The following NRL variants were observed in gnomAD, a reference collection of about 807,000 sequenced individuals.
The protein encoded by NRL is neural retina leucine zipper, also known as neural retina-specific leucine zipper protein.
Under a neutral mutation model 12.5 loss-of-function variants are expected in NRL, and 16 were observed. The observed-to-expected ratio is 1.28, with a 90% CI of 0.87 to 1.95. NRL has a LOEUF of 1.95. Among genes scored for constraint, NRL ranks in the 30% most tolerant of loss-of-function variants. The probability of loss-of-function intolerance (pLI) is 0.00; values close to 1 mark genes in which losing one functional copy is unlikely to be tolerated. For missense variants in NRL, 314 were observed against 325.8 expected, an observed-to-expected ratio of 0.96 and a Z score of 0.28; for synonymous variants, 142 against 150.9, an observed-to-expected ratio of 0.94 and a Z score of 0.43.
At chr14:24,106,058 T>C (rs1286923819) in intron 1 of NRL, among the ~76,000 whole-genome samples, 3 of 152,272 alleles carry the variant, frequency 2.0e-5, no homozygotes, top group African/African-American at 7.2e-5. Flanking sequence ...TCCTGGGTAA[T>C]GCTGATGCTG....
chr14:24,081,890 T>A lies in NRL; in HGVS notation c.382-322A>T. 1.5e-6 allele frequency: 2 copies of A among 1,325,614 alleles called. No homozygotes were observed. Among genetic ancestry groups the A allele is most frequent in the South Asian group, 3.1e-5 (2 of 65,346 alleles). 82.1% of individuals were successfully genotyped at this position (1,325,614 alleles called of 1,614,324 possible). A position where few individuals can be genotyped will look rare whatever the true frequency, so the allele number is the denominator to read the frequency against. ...CGGCATCCAGCTCCAGGCCCGGGTGTGTCCAGTGGACCCGCACCCAGACAG... is the reference window on the plus strand; with the variant it reads ...CGGCATCCAGCTCCAGGCCCGGGTGAGTCCAGTGGACCCGCACCCAGACAG... On this transcript the variant is annotated intron_variant, in intron 2 of 2. Transcript: ENST00000561028. This position sits in a 1 kb window ranked among gnomAD's most constrained non-coding sequence, Gnocchi z 4.4.
At position 24,094,192 on chromosome 14, in the gene NRL, C is replaced by T; in HGVS notation, c.-27-11317G>A. The T allele has an allele frequency of 3.6e-6, 2 of 563,326 alleles. No individual in the cohort carries two copies. The highest frequency in any genetic ancestry group is 3.4e-5 in the East Asian group (1 of 29,278). 34.9% of individuals were successfully genotyped at this position (563,326 alleles called of 1,614,324 possible). ...GGCTGGGCTGACCTGGAGCCTGGAG[C>T]CCCGGGGCCGAGGGAGCTGGCCTGC... is the stretch of plus-strand genomic sequence containing the variant. On this transcript the variant is annotated intron_variant, in intron 1 of 2. Transcript: ENST00000561028. The surrounding 1 kb of genome is among the most constrained non-coding windows in gnomAD (Gnocchi z 4.1).
Position 24,081,680 on chromosome 14 carries a change from C to A in NRL, c.382-112G>T, listed in dbSNP as rs1024145137. 6.5e-7 allele frequency: 1 copy of A among 1,529,886 alleles called. No individual in the cohort carries two copies. The highest frequency in any genetic ancestry group is 1.4e-5 in the African/African-American group (1 of 72,620). The allele number at this position is 1,529,886 out of a possible 1,614,324, so 94.8% of individuals were successfully genotyped here. ...GGGACAGCCCCGCCCCGGCTCCCAC[C>A]TTCACCGGAAGGCTCGCCCTTCCAC... On this transcript the variant is annotated intron_variant, in intron 2 of 2. Coordinates refer to ENST00000561028, the MANE Select transcript of NRL (RefSeq NM_001354768.3). This position sits in a 1 kb window ranked among gnomAD's most constrained non-coding sequence, Gnocchi z 4.4.
intron 1 of NRL, among the ~76,000 whole-genome samples, chr14:24,108,225 T>C (rs1365548171): frequency 6.6e-6 from 1 of 152,228 alleles, no homozygotes; most frequent in Non-Finnish European, 1.5e-5. Flanking sequence ...ACAATCTGGA[T>C]GCTAGGAGTG....
intron 1 of NRL, among the ~76,000 whole-genome samples, chr14:24,102,000 C>A (rs568732808): frequency 6.6e-6 from 1 of 151,932 alleles, no homozygotes; most frequent in Non-Finnish European, 1.5e-5. Context: ...CCAAGGTGGG[C>A]AGATCAGTTA....
chr14:24,098,282 A>G, intron 1 of NRL: 1 of 1,614,006 alleles, frequency 6.2e-7, no homozygotes, highest in Non-Finnish European at 8.5e-7. Flanking sequence ...TCAGCGGGAC[A>G]CGGTACCACT....
At chr14:24,086,262 G>A (rs192184535) in intron 1 of NRL, among the ~76,000 whole-genome samples, 1 of 152,262 alleles carries the variant, frequency 6.6e-6, no homozygotes, top group Non-Finnish European at 1.5e-5. Flanking sequence ...TGCACAGAAT[G>A]CCTGCAGTCT....
At chr14:24,103,556 C>T (rs1462623725) in intron 1 of NRL, 1 of 1,568,924 alleles carries the variant, frequency 6.4e-7, no homozygotes. Context: ...CCTTTTTTGG[C>T]TACAACTTCG....
chr14:24,100,827 A>T (rs1256710314), intron 1 of NRL, among the ~76,000 whole-genome samples: 2 of 152,168 alleles, frequency 1.3e-5, no homozygotes, highest in African/African-American at 4.8e-5. Flanking sequence ...AAACAAAATC[A>T]GGTCAGTGCT....
intron 1 of NRL, chr14:24,084,501 A>C: frequency 7.4e-5 from 70 of 945,360 alleles, no homozygotes; most frequent in South Asian, 1.9e-4. Context: ...ACACCCAGGT[A>C]GGCCCTGGAT....
chr14:24,098,140 G>T, intron 1 of NRL: 2 of 1,427,540 alleles, frequency 1.4e-6, no homozygotes, highest in South Asian at 1.4e-5. Context: ...ACTTGAAAAA[G>T]TGGGTCTAGG....
intron 1 of NRL, among the ~76,000 whole-genome samples, chr14:24,108,648 T>G (rs2037374953): frequency 6.6e-6 from 1 of 152,214 alleles, no homozygotes; most frequent in South Asian, 2.1e-4. Context: ...GGGTATTTAC[T>G]TATATTACAT....
At chr14:24,110,432 C>A in intron 1 of NRL, 2 of 225,658 alleles carry the variant, frequency 8.9e-6, no homozygotes, top group South Asian at 3.4e-5. Flanking sequence ...AAAAATGAAA[C>A]CACATCGTTT....
intron 1 of NRL, among the ~76,000 whole-genome samples, chr14:24,105,821 C>G (rs2037329542): frequency 6.6e-6 from 1 of 152,190 alleles, no homozygotes; most frequent in Non-Finnish European, 1.5e-5. Flanking sequence ...AGGACAATCA[C>G]TTGAACTCAG....
chr14:24,100,029 C>G, intron 1 of NRL: 1 of 1,614,144 alleles, frequency 6.2e-7, no homozygotes, highest in Non-Finnish European at 8.5e-7. Context: ...AGAACGGCTT[C>G]TTTGGGGTTG....
Position 24,098,534 on chromosome 14 carries a change from A to T in NRL, c.-27-15659T>A, listed in dbSNP as rs762436188. On this transcript the variant is annotated intron_variant, in intron 1 of 2. Coordinates refer to ENST00000561028, the MANE Select transcript of NRL (RefSeq NM_001354768.3). ...TCCTGTGGGCTCCCCGCTGTCCCGCATCGGGGTGCAGCTCACTGACTCAGC... is the reference window on the plus strand; with the variant it reads ...TCCTGTGGGCTCCCCGCTGTCCCGCTTCGGGGTGCAGCTCACTGACTCAGC... 2.5e-6 allele frequency: 4 copies of T among 1,614,186 alleles called. No individual in the cohort carries two copies. The highest frequency in any genetic ancestry group is 3.4e-6 in the Non-Finnish European group (4 of 1,180,022).
chr14:24,101,422 C>T (rs374309718), intron 1 of NRL, among the ~76,000 whole-genome samples: 34 of 152,330 alleles, frequency 2.2e-4, no homozygotes, highest in African/African-American at 7.5e-4. Context: ...GGCACCATGT[C>T]CACTCAGGGG....
intron 1 of NRL, among the ~76,000 whole-genome samples, chr14:24,092,206 G>A (rs576625644): frequency 6.6e-6 from 1 of 152,286 alleles, no homozygotes; most frequent in East Asian, 1.9e-4. Context: ...GTAGGGAGAG[G>A]GGTTGGTGTT....
At chr14:24,102,532 CTT>C (rs572353926) in intron 1 of NRL, 26 of 525,446 alleles carry the variant, frequency 4.9e-5, no homozygotes, top group South Asian at 4.2e-4. Flanking sequence ...CTCTCCCACT[CTT>C]TTCTCACATA....
Sources: gnomAD v4.1 joint callset for allele counts (sites outside exome capture counted in the v4.1 genomes callset) on GRCh38, gnomAD v4.1.1 for gene constraint, Gnocchi (gnomAD v3.1) non-coding constraint, MANE v1.5 for transcripts, NCBI Gene and HGNC (gene_info 2026-07-23, HGNC 2026-07-21) for gene names.